CTNNA3: variants seen among roughly 807,000 people sequenced by gnomAD.
CTNNA3 encodes catenin alpha-3.
A neutral mutation model predicts 95.7 loss-of-function variants in CTNNA3; 76 were observed. The ratio of observed to expected loss-of-function variants is 0.79; its 90% CI spans 0.66 to 0.96. The LOEUF (loss-of-function observed/expected upper bound fraction) is 0.96, where lower values mean the gene tolerates loss of function less well. Among genes scored for constraint, CTNNA3 ranks in the 40% least tolerant of loss-of-function variants. The pLI is 0.00. For synonymous variants in CTNNA3, 431 were observed against 374.4 expected (o/e 1.15, Z -1.74); for missense variants, 1,191 against 1,089.8 (o/e 1.09, Z -1.31).
intron 13 of CTNNA3, among the ~76,000 whole-genome samples, chr10:66,115,538 A>G (rs936900977): frequency 7.0e-6 from 1 of 143,634 alleles, no homozygotes; most frequent in Non-Finnish European, 1.5e-5. Flanking sequence ...AGATAGATAG[A>G]TAGATAGATA....
At chr10:66,850,998 A>G (rs1473793464) in intron 7 of CTNNA3, among the ~76,000 whole-genome samples, 1 of 152,020 alleles carries the variant, frequency 6.6e-6, no homozygotes, top group African/African-American at 2.4e-5. Context: ...TGTTTTCATC[A>G]TCACCCTCTC....
At chr10:67,413,560 T>C (rs1845448077) in intron 5 of CTNNA3, among the ~76,000 whole-genome samples, 1 of 152,070 alleles carries the variant, frequency 6.6e-6, no homozygotes, top group Non-Finnish European at 1.5e-5. Flanking sequence ...AAAGAAACTC[T>C]GGACTTCAAC....
At chr10:67,633,757 G>C (rs1385687610) in intron 2 of CTNNA3, among the ~76,000 whole-genome samples, 3 of 152,044 alleles carry the variant, frequency 2.0e-5, no homozygotes, top group African/African-American at 7.2e-5. Context: ...TGCTGAAATA[G>C]AGCAGGAAGA....
intron 12 of CTNNA3, among the ~76,000 whole-genome samples, chr10:66,309,861 C>A (rs561596888): frequency 1.1e-4 from 17 of 150,158 alleles, no homozygotes; most frequent in Admixed American, 1.1e-3. Flanking sequence ...AGTTCGAGAC[C>A]AGCCTAGCCA....
intron 5 of CTNNA3, among the ~76,000 whole-genome samples, chr10:67,384,648 C>T (rs1319678389): frequency 6.6e-6 from 1 of 152,136 alleles, no homozygotes; most frequent in Non-Finnish European, 1.5e-5. Context: ...AAACAGCTCC[C>T]TAAGGCTAGG....
chr10:66,033,928 A>G (rs1246930056), intron 15 of CTNNA3, among the ~76,000 whole-genome samples: 1 of 152,174 alleles, frequency 6.6e-6, no homozygotes, highest in East Asian at 1.9e-4. Flanking sequence ...CTCGCATTCA[A>G]ATTCCATCTC....
intron 7 of CTNNA3, among the ~76,000 whole-genome samples, chr10:67,145,518 C>T (rs1860798976): frequency 1.3e-5 from 2 of 151,634 alleles, no homozygotes; most frequent in Non-Finnish European, 2.9e-5. Flanking sequence ...GCAACCTTCG[C>T]CTCCTGGGTT....
At chr10:66,754,305 A>G (rs1168153374) in intron 9 of CTNNA3, among the ~76,000 whole-genome samples, 1 of 152,204 alleles carries the variant, frequency 6.6e-6, no homozygotes, top group Non-Finnish European at 1.5e-5. Context: ...ATAAATGGGA[A>G]TCTACATGCA....
intron 9 of CTNNA3, among the ~76,000 whole-genome samples, chr10:66,761,898 G>T (rs1368830473): frequency 6.6e-6 from 1 of 152,138 alleles, no homozygotes; most frequent in African/African-American, 2.4e-5. Flanking sequence ...ATATGCAGTA[G>T]AGTAGGGAGC....
intron 13 of CTNNA3, among the ~76,000 whole-genome samples, chr10:66,187,168 C>G (rs953285714): frequency 1.3e-5 from 2 of 152,010 alleles, no homozygotes; most frequent in Non-Finnish European, 2.9e-5. Flanking sequence ...TGGCTTGTTC[C>G]CTGGAAAATC....
At chr10:66,222,626 G>A (rs2054382) in intron 13 of CTNNA3, among the ~76,000 whole-genome samples, 12,333 of 76,108 alleles carry the variant, frequency 0.16, 640 homozygotes, top group Middle Eastern at 0.29. Flanking sequence ...GAAAGAAAAA[G>A]AAAGAAAGAA....
In CTNNA3 at chr10:65,934,086, T is replaced by C. The variant is rs76044883; in HGVS notation, c.2401-13469A>G. On this transcript the variant is annotated intron_variant, in intron 17 of 17. Transcript: ENST00000433211. ...AATGATGATAGAAGGAAATGTTAAATAATCTAGGTTTAATGACATTATTAA... is the reference window on the plus strand; with the variant it reads ...AATGATGATAGAAGGAAATGTTAAACAATCTAGGTTTAATGACATTATTAA... Among the ~76,000 whole-genome samples, 1,311 of 152,280 alleles carry C rather than the reference T, an allele frequency of 8.6e-3. 50 individuals are homozygous for C. The East Asian group carries it at 0.11, about 13-fold the overall frequency.
In CTNNA3 at chr10:65,920,615, C is replaced by A; in HGVS notation, c.2403G>T (p.Leu801Phe). 1 of 1,605,686 alleles carries A rather than the reference C, an allele frequency of 6.2e-7. No homozygotes were observed. The highest frequency in any genetic ancestry group is 8.5e-7 in the Non-Finnish European group (1 of 1,174,440). ...CTTGGATCAGGGATGTGACACTGTC[C>A]AACTGTAGGGAAAAAAGAGAAAAAA... ...NLGGELIMSA[L>F]DSVTSLIQAA... Residue 801 changes from leucine (L) to phenylalanine (F), a missense_variant and splice_region_variant, in exon 18 of 18, where the codon TTG (leucine) becomes TTT (phenylalanine). Coordinates refer to ENST00000433211, the MANE Select transcript of CTNNA3 (RefSeq NM_013266.4).
intron 5 of CTNNA3, among the ~76,000 whole-genome samples, chr10:67,486,760 T>C (rs866508180): frequency 3.3e-5 from 5 of 152,208 alleles, no homozygotes; most frequent in African/African-American, 7.2e-5. Context: ...TTTGTGGAAA[T>C]AGATAATAGC....
At chr10:67,550,665 ATTTCT>A (rs1840993413) in intron 3 of CTNNA3, among the ~76,000 whole-genome samples, 1 of 150,998 alleles carries the variant, frequency 6.6e-6, no homozygotes, top group Admixed American at 6.6e-5. Context: ...GAATAAAGAA[ATTTCT>A]TTACCGTAGA....
chr10:67,001,232 C>T (rs1349114506), intron 7 of CTNNA3, among the ~76,000 whole-genome samples: 11 of 147,958 alleles, frequency 7.4e-5, no homozygotes, highest in South Asian at 2.1e-4. Flanking sequence ...ACCAGGGACT[C>T]GGAGGTTGCA....
intron 7 of CTNNA3, chr10:67,013,096 A>G (rs2133045441): frequency 6.6e-6 from 1 of 152,286 alleles, no homozygotes; most frequent in East Asian, 1.9e-4. Context: ...GATAGGAAAG[A>G]CATCATCTTT....
intron 1 of CTNNA3, among the ~76,000 whole-genome samples, chr10:67,729,717 G>C (rs1841264052): frequency 6.6e-6 from 1 of 151,970 alleles, no homozygotes; most frequent in South Asian, 2.1e-4. Context: ...TCTATGAAAA[G>C]AATCAGTATC....
chr10:67,086,302 C>G (rs1426030086), intron 7 of CTNNA3, among the ~76,000 whole-genome samples: 1 of 151,978 alleles, frequency 6.6e-6, no homozygotes, highest in East Asian at 1.9e-4. Context: ...GATTTTTATG[C>G]AACCTGGCAG....
Sources: gnomAD v4.1 joint callset for allele counts (sites outside exome capture counted in the v4.1 genomes callset) on GRCh38, gnomAD v4.1.1 for gene constraint, MANE v1.5 for transcripts, NCBI Gene and HGNC (gene_info 2026-07-23, HGNC 2026-07-21) for gene names.